Variants in LRMDA observed in about 807,000 individuals in gnomAD.
LRMDA encodes the protein leucine-rich melanocyte differentiation-associated protein.
LRMDA carries 18 observed loss-of-function variants against 29.8 expected under a neutral mutation model. The observed-to-expected ratio is 0.60, with a 90% CI of 0.42 to 0.90. The LOEUF (loss-of-function observed/expected upper bound fraction) is 0.90, where lower values mean the gene tolerates loss of function less well. Ranked by LOEUF, LRMDA falls within the 40% of genes least tolerant of loss-of-function variation. The pLI is 0.00. For missense variants in LRMDA, 273 were observed against 273.9 expected (o/e 1.00, Z 0.02); for synonymous variants, 125 against 109.4 (o/e 1.14, Z -0.89).
intron 5 of LRMDA, among the ~76,000 whole-genome samples, chr10:76,116,703 A>G (rs970081122): frequency 6.6e-6 from 1 of 152,156 alleles, no homozygotes; most frequent in Non-Finnish European, 1.5e-5. Context: ...GTCAACTTTG[A>G]GAGGAGACTA....
At chr10:76,538,940 T>G (rs947978033) in intron 6 of LRMDA, among the ~76,000 whole-genome samples, 1 of 152,194 alleles carries the variant, frequency 6.6e-6, no homozygotes, top group African/African-American at 2.4e-5. Context: ...TCTTTTTTCT[T>G]TCTTTTTAGA....
At chr10:76,310,047 T>G (rs1589421758) in intron 5 of LRMDA, among the ~76,000 whole-genome samples, 2 of 152,328 alleles carry the variant, frequency 1.3e-5, no homozygotes, top group East Asian at 1.9e-4. Flanking sequence ...TAAGTGCAAT[T>G]TAGACTGTAA....
intron 2 of LRMDA, among the ~76,000 whole-genome samples, chr10:75,500,305 A>G (rs1414342602): frequency 6.6e-6 from 1 of 152,204 alleles, no homozygotes; most frequent in African/African-American, 2.4e-5. Context: ...TTGTGGGCCT[A>G]CCTTCGCTAA....
chr10:75,800,536 C>T (rs1408492894), intron 2 of LRMDA, among the ~76,000 whole-genome samples: 1 of 151,846 alleles, frequency 6.6e-6, no homozygotes, highest in Non-Finnish European at 1.5e-5. Flanking sequence ...CTCCCGCGTT[C>T]AAGTGATTCT....
intron 5 of LRMDA, among the ~76,000 whole-genome samples, chr10:76,113,791 G>C (rs1161191729): frequency 6.6e-6 from 1 of 152,180 alleles, no homozygotes; most frequent in Non-Finnish European, 1.5e-5. Context: ...CTTCCAAAGA[G>C]AGCTGTCTGC....
intron 2 of LRMDA, among the ~76,000 whole-genome samples, chr10:75,604,081 T>C (rs1221730725): frequency 1.3e-5 from 2 of 152,174 alleles, no homozygotes; most frequent in Non-Finnish European, 2.9e-5. Flanking sequence ...CCCAATTTTA[T>C]ATCAGTTGGA....
At chr10:75,637,341 A>T (rs1349673994) in intron 2 of LRMDA, among the ~76,000 whole-genome samples, 1 of 152,166 alleles carries the variant, frequency 6.6e-6, no homozygotes, top group East Asian at 1.9e-4. Flanking sequence ...AGGAAGGCAG[A>T]TGTGCTTTAT....
chr10:76,274,637 A>G (rs1456100604), intron 5 of LRMDA, among the ~76,000 whole-genome samples: 1 of 152,190 alleles, frequency 6.6e-6, no homozygotes. Flanking sequence ...TATTCTTGTG[A>G]GAGCTGCTTT....
rs1045186259 is a variant in LRMDA, at chr10:75,667,461, T to A, written c.131+228967T>A. ...CTATAGGCCTGTGCCACAACACTGA[T>A]ACATTTTTAAAAATTATTTTTAGAG... On this transcript the variant is annotated intron_variant, in intron 2 of 6. Coordinates refer to ENST00000611255, the MANE Select transcript of LRMDA (RefSeq NM_001305581.2). 5.3e-5 allele frequency among the ~76,000 whole-genome samples: 8 copies of A among 152,196 alleles called. No individual in the cohort carries two copies. In the East Asian group the frequency reaches 1.3e-3, roughly 26 times the overall value.
At chr10:76,506,672 G>T (rs925102332) in intron 6 of LRMDA, among the ~76,000 whole-genome samples, 18 of 151,400 alleles carry the variant, frequency 1.2e-4, no homozygotes, top group Non-Finnish European at 2.5e-4. Flanking sequence ...CTACTTTTTA[G>T]CTCCATGGCA....
intron 5 of LRMDA, among the ~76,000 whole-genome samples, chr10:76,253,729 A>G (rs1026210593): frequency 6.6e-6 from 1 of 152,212 alleles, no homozygotes; most frequent in African/African-American, 2.4e-5. Flanking sequence ...TTTGCTTTTT[A>G]TCTGTATTTT....
At chr10:75,971,196 T>A (rs1846962902) in intron 2 of LRMDA, among the ~76,000 whole-genome samples, 1 of 152,212 alleles carries the variant, frequency 6.6e-6, no homozygotes, top group Non-Finnish European at 1.5e-5. Flanking sequence ...TGTTTTCTCC[T>A]TCCTTTGGAC....
At chr10:76,480,844 G>A (rs578229901) in intron 6 of LRMDA, among the ~76,000 whole-genome samples, 6 of 151,914 alleles carry the variant, frequency 3.9e-5, no homozygotes, top group East Asian at 2.0e-4. Context: ...ATAACCCAGC[G>A]AAAAATAATT....
chr10:75,550,405 T>A (rs1283222657), intron 2 of LRMDA, among the ~76,000 whole-genome samples: 1 of 152,186 alleles, frequency 6.6e-6, no homozygotes, highest in Non-Finnish European at 1.5e-5. Flanking sequence ...TAGTTATATC[T>A]TCTTGATGAA....
intron 2 of LRMDA, among the ~76,000 whole-genome samples, chr10:75,653,241 C>T (rs1025582871): frequency 2.0e-5 from 3 of 152,202 alleles, no homozygotes; most frequent in Admixed American, 1.3e-4. Flanking sequence ...AGTGTTCAGG[C>T]TTTCTTTTAA....
At chr10:75,652,224 ATAAG>A (rs1205610023) in intron 2 of LRMDA, among the ~76,000 whole-genome samples, 3 of 152,348 alleles carry the variant, frequency 2.0e-5, no homozygotes, top group Non-Finnish European at 4.4e-5. Flanking sequence ...ACATCCCTCG[ATAAG>A]TAAAATCCAA....
rs11001663 is a variant in LRMDA at position 76,171,072 on chromosome 10, T to G, written c.516+112289T>G. ...ATTGCTTCCTATGAAGAGGCAAAAG[T>G]TTGTACTGATCTGAGCAGCTATATC... On this transcript the variant is annotated intron_variant, in intron 5 of 6. Transcript: ENST00000611255. Among the ~76,000 whole-genome samples the G allele has an allele frequency of 7.1e-3, 1,074 of 152,256 alleles. 41 individuals carry two copies. The East Asian group carries it at 0.11, about 16-fold the overall frequency.
chr10:76,147,582 T>C (rs994727400), intron 5 of LRMDA, among the ~76,000 whole-genome samples: 1 of 152,082 alleles, frequency 6.6e-6, no homozygotes, highest in African/African-American at 2.4e-5. Context: ...AGTTATCCAT[T>C]CGTCTAATTT....
intron 2 of LRMDA, among the ~76,000 whole-genome samples, chr10:75,582,006 G>T (rs1279681866): frequency 6.6e-6 from 1 of 152,188 alleles, no homozygotes; most frequent in Non-Finnish European, 1.5e-5. Flanking sequence ...CTGATGTGAG[G>T]GGTGGGCTCC....
Sources: gnomAD v4.1 joint callset for allele counts (sites outside exome capture counted in the v4.1 genomes callset) on GRCh38, gnomAD v4.1.1 for gene constraint, MANE v1.5 for transcripts, NCBI Gene and HGNC (gene_info 2026-07-23, HGNC 2026-07-21) for gene names.